The following CERK variants were observed in gnomAD, a reference collection of about 807,000 sequenced individuals.
CERK encodes ceramide kinase.
In CERK, 39 loss-of-function variants were observed where a neutral mutation model predicts 63.4. That is an observed-to-expected ratio of 0.61 (90% CI 0.48 to 0.80). The LOEUF is 0.80. Among genes scored for constraint, CERK ranks in the 30% least tolerant of loss-of-function variants. CERK has a pLI of 0.00. For missense variants in CERK, 670 were observed against 714.1 expected (o/e 0.94, Z 0.70); for synonymous variants, 302 against 280.0 (o/e 1.08, Z -0.78).
At chr22:46,703,310 C>CA (rs2082796729) in intron 6 of CERK, among the ~76,000 whole-genome samples, 2 of 152,150 alleles carry the variant, frequency 1.3e-5, no homozygotes, top group Admixed American at 1.3e-4. Flanking sequence ...GGCAGCTCAA[C>CA]ACCCTCCAGA....
intron 7 of CERK, among the ~76,000 whole-genome samples, chr22:46,701,318 G>A (rs888076534): frequency 3.9e-5 from 6 of 152,272 alleles, no homozygotes; most frequent in East Asian, 1.9e-4. Context: ...TCCGAGCCTC[G>A]GGGCAGCAGC....
At chr22:46,713,786 T>C (rs2082854884) in intron 3 of CERK, among the ~76,000 whole-genome samples, 1 of 152,158 alleles carries the variant, frequency 6.6e-6, no homozygotes, top group South Asian at 2.1e-4. Context: ...GACAGAAGCC[T>C]TGATGGGTTT....
intron 1 of CERK, among the ~76,000 whole-genome samples, chr22:46,736,717 G>C (rs996079066): frequency 6.6e-6 from 1 of 152,132 alleles, no homozygotes; most frequent in Non-Finnish European, 1.5e-5. Flanking sequence ...TGACCCCAGG[G>C]CTGGAAACCA....
chr22:46,701,592 G>A (rs1222642222), intron 7 of CERK, 44 bp downstream of exon 7: 2 of 1,518,924 alleles, frequency 1.3e-6, no homozygotes, highest in South Asian at 1.2e-5. Context: ...GGGGGCGCAG[G>A]AGGCCCGGCT....
At chr22:46,697,964 G>A (rs995328837) in intron 8 of CERK, among the ~76,000 whole-genome samples, 1 of 152,196 alleles carries the variant, frequency 6.6e-6, no homozygotes, top group Non-Finnish European at 1.5e-5. Context: ...ACAGGTCACC[G>A]CCGCCTGGCC....
At chr22:46,691,020 T>C (rs1050606980) in intron 11 of CERK, among the ~76,000 whole-genome samples, 6 of 149,100 alleles carry the variant, frequency 4.0e-5, no homozygotes, top group African/African-American at 1.5e-4. Context: ...TACACATATA[T>C]GTATATATAC....
intron 5 of CERK, among the ~76,000 whole-genome samples, chr22:46,710,434 G>GAA (rs113298775): frequency 5.3e-4 from 55 of 103,830 alleles, no homozygotes; most frequent in African/African-American, 1.8e-3. Context: ...CCTCAAAAAC[G>GAA]AAAAAAAAAA....
At chr22:46,712,575 G>T (rs2082846918) in intron 3 of CERK, among the ~76,000 whole-genome samples, 1 of 152,206 alleles carries the variant, frequency 6.6e-6, no homozygotes, top group African/African-American at 2.4e-5. Flanking sequence ...TCTCTGCTCT[G>T]AAGGGTGCTG....
At chr22:46,710,884 C>T (rs2082837259) in intron 5 of CERK, among the ~76,000 whole-genome samples, 1 of 152,354 alleles carries the variant, frequency 6.6e-6, no homozygotes, top group South Asian at 2.1e-4. Context: ...CATTCTCGCC[C>T]AGCCCAGCCA....
intron 12 of CERK, among the ~76,000 whole-genome samples, chr22:46,689,129 C>T (rs190950686): frequency 1.4e-4 from 21 of 152,378 alleles, no homozygotes; most frequent in African/African-American, 5.0e-4. Context: ...GACCGAACAT[C>T]CGTGTGTGGC....
At chr22:46,690,993 A>G (rs1317695689) in intron 11 of CERK, among the ~76,000 whole-genome samples, 3 of 149,320 alleles carry the variant, frequency 2.0e-5, no homozygotes, top group Non-Finnish European at 4.5e-5. Flanking sequence ...GTGTATATGT[A>G]TGTATGTGTA....
chr22:46,709,921 C>A (rs2146566908), intron 5 of CERK, among the ~76,000 whole-genome samples: 2 of 152,132 alleles, frequency 1.3e-5, no homozygotes, highest in Admixed American at 6.5e-5. Flanking sequence ...ATATGAATTG[C>A]CTATTATTTG....
chr22:46,702,333 C>T (rs929564844), intron 6 of CERK, among the ~76,000 whole-genome samples: 3 of 148,126 alleles, frequency 2.0e-5, no homozygotes, highest in Non-Finnish European at 3.0e-5. Flanking sequence ...CTTGCTCTGT[C>T]GCCCAGGCTG....
In CERK at chr22:46,708,073, G is replaced by C. The variant is rs563346291; in HGVS notation, c.570-85C>G. On this transcript the variant is annotated intron_variant, in intron 5 of 12. Transcript: ENST00000216264. The stretch of plus-strand genomic sequence containing the variant: ...GCCTGAGGCTTCCAGCTTCAGGAGG[G>C]GCAGCCTGCACACCTGGCCCTTGGC... 1.7e-4 allele frequency: 246 copies of C among 1,444,066 alleles called. 2 individuals are homozygous for C. Among genetic ancestry groups the C allele is most frequent in the Middle Eastern group, 3.9e-4 (2 of 5,084 alleles). The allele number at this position is 1,444,066 out of a possible 1,614,324, so 89.5% of individuals were successfully genotyped here. A position where few individuals can be genotyped will look rare whatever the true frequency, so the allele number is the denominator to read the frequency against.
In CERK at chr22:46,686,333, C is replaced by T. The variant is rs563713491; in HGVS notation, c.*801G>A. On this transcript the variant is annotated 3_prime_UTR_variant, in exon 13 of 13. Transcript: ENST00000216264. ...ATGGCCAGCTTCCTCCTGACTGCCC[C>T]CAAGCCCGGCTGTGTTAAGCACTTC... 3 of 152,358 alleles carry T rather than the reference C, an allele frequency of 2.0e-5. No homozygotes were observed. Among genetic ancestry groups the T allele is most frequent in the African/African-American group, 7.2e-5 (3 of 41,560 alleles). 9.4% of individuals were successfully genotyped at this position (152,358 alleles called of 1,614,324 possible).
At chr22:46,721,305 T>TATA (rs2082891367) in intron 1 of CERK, among the ~76,000 whole-genome samples, 1 of 149,544 alleles carries the variant, frequency 6.7e-6, no homozygotes, top group African/African-American at 2.6e-5. Flanking sequence ...ATATATATAT[T>TATA]TTTTTGAGAC....
intron 10 of CERK, 112 bp downstream of exon 10, chr22:46,693,315 A>C: frequency 1.2e-6 from 1 of 852,136 alleles, no homozygotes; most frequent in Non-Finnish European, 2.0e-6. Context: ...GCCAGACAGG[A>C]AAAAGGAAAA....
chr22:46,705,625 C>T (rs184919660), intron 6 of CERK, among the ~76,000 whole-genome samples: 2 of 152,200 alleles, frequency 1.3e-5, no homozygotes, highest in Admixed American at 6.5e-5. Flanking sequence ...GAGCCAAGAT[C>T]GCACCACTGC....
At chr22:46,728,211 C>T (rs756485207) in intron 1 of CERK, among the ~76,000 whole-genome samples, 8 of 152,162 alleles carry the variant, frequency 5.3e-5, no homozygotes, top group African/African-American at 1.9e-4. Context: ...AAACCTGCAT[C>T]AGCCTCCCGT....
Sources: gnomAD v4.1 joint callset for allele counts (sites outside exome capture counted in the v4.1 genomes callset) on GRCh38, gnomAD v4.1.1 for gene constraint, MANE v1.5 for transcripts, NCBI Gene and HGNC (gene_info 2026-07-23, HGNC 2026-07-21) for gene names.